ZNF81: variants seen among roughly 807,000 people sequenced by gnomAD.
ZNF81 encodes the protein zinc finger protein 81.
Under a neutral mutation model 32.3 loss-of-function variants are expected in ZNF81, and 5 were observed. That is an observed-to-expected ratio of 0.15 (90% CI 0.08 to 0.33). The LOEUF (loss-of-function observed/expected upper bound fraction) is 0.33. ZNF81 is among the 10% of genes least tolerant of loss of function. The pLI, the probability that ZNF81 is intolerant of heterozygous loss-of-function variation, is 1.00. For synonymous variants in ZNF81, 163 were observed against 166.8 expected, an observed-to-expected ratio of 0.98 and a Z score of 0.17; for missense variants, 379 against 479.8, an observed-to-expected ratio of 0.79 and a Z score of 1.96.
At chrX:47,880,636 A>G (rs1218863375) in intron 2 of ZNF81, among the ~76,000 whole-genome samples, 2 of 112,149 alleles carry the variant, frequency 1.8e-5, no homozygotes, top group African/African-American at 6.5e-5. Flanking sequence ...TAATTTTAAT[A>G]TAAAACTCAG....
At chrX:47,867,699 G>A (rs370663781) in intron 2 of ZNF81, among the ~76,000 whole-genome samples, 5 of 112,172 alleles carry the variant, frequency 4.5e-5, no homozygotes, top group African/African-American at 9.7e-5. Flanking sequence ...GATTAGCAAC[G>A]TGCAGAAATT....
rs1440659865 is a variant in ZNF81 at position 47,922,646 on chromosome X, T to G, written c.*6014T>G. Among the ~76,000 whole-genome samples, 1 of 111,798 alleles carries G rather than the reference T, an allele frequency of 8.9e-6. No homozygotes were observed. Among genetic ancestry groups the G allele is most frequent in the East Asian group, 2.8e-4 (1 of 3,596 alleles). On this transcript the variant is annotated 3_prime_UTR_variant, in exon 5 of 5. Transcript: ENST00000338637. ...TTAACCTCTGTCCTGATGGTTTTCA[T>G]CTATAAAAGATGTACACACTACCAC...
At chrX:47,837,439 G>C (rs1556879221) in intron 1 of ZNF81, among the ~76,000 whole-genome samples, 1 of 111,683 alleles carries the variant, frequency 9.0e-6, no homozygotes, top group East Asian at 2.8e-4. Flanking sequence ...TTTTTTGTCT[G>C]CTTCTTCTAT....
intron 4 of ZNF81, among the ~76,000 whole-genome samples, chrX:47,907,958 G>A (rs1279831401): frequency 2.7e-5 from 3 of 111,222 alleles, no homozygotes; most frequent in Non-Finnish European, 5.7e-5. Flanking sequence ...GGTGAACTCT[G>A]GTCTTTTAGA....
At position 47,915,122 on chromosome X, in the gene ZNF81, A is replaced by G; in HGVS notation, c.476A>G (p.Lys159Arg). Residue 159 changes from lysine to arginine, a missense_variant, in exon 5 of 5, where the codon AAA becomes AGA. This residue lies in a region of ZNF81 where 277 missense variants were observed against 306.6 expected (regional missense o/e 0.90). Transcript: ENST00000338637. ...AGTCGCACTACTTTCCTCAATAAGAAAATATTGAATACAGAGTGGGATTAT... is the reference window on the plus strand; with the variant it reads ...AGTCGCACTACTTTCCTCAATAAGAGAATATTGAATACAGAGTGGGATTAT... ...LLSRTTFLNK[K>R]ILNTEWDYEY... is the part of the protein sequence containing the mutation. 1 of 1,205,611 alleles carries G rather than the reference A, an allele frequency of 8.3e-7. No homozygotes were observed. Among genetic ancestry groups the G allele is most frequent in the Non-Finnish European group, 1.1e-6 (1 of 892,900 alleles).
intron 2 of ZNF81, among the ~76,000 whole-genome samples, chrX:47,877,457 C>T (rs1203944095): frequency 8.9e-6 from 1 of 112,015 alleles, no homozygotes; most frequent in Non-Finnish European, 1.9e-5. Context: ...TGCCAGTAAG[C>T]AAGTCTTCCC....
At chrX:47,847,197 A>G (rs1319680734) in intron 2 of ZNF81, among the ~76,000 whole-genome samples, 1 of 111,830 alleles carries the variant, frequency 8.9e-6, no homozygotes, top group Non-Finnish European at 1.9e-5. Context: ...CCATCTTCAC[A>G]ACAACCTCAT....
chrX:47,915,263 A>G lies in ZNF81; in HGVS notation c.617A>G (p.His206Arg), dbSNP rs371947038. The G allele has an allele frequency of 2.5e-6, 3 of 1,211,457 alleles. No individual in the cohort carries two copies. Among genetic ancestry groups the G allele is most frequent in the Non-Finnish European group, 3.4e-6 (3 of 895,312 alleles). ...GKSFKHNLDL[H>R]IHNKSNAAKN... ...AGTTTTAAGCATAATTTAGACTTAC[A>G]TATTCATAATAAAAGCAATGCAGCA... Residue 206 changes from histidine to arginine, a missense_variant, in exon 5 of 5, where the codon CAT becomes CGT. Transcript: ENST00000338637.
rs781952813 is a variant in ZNF81, at chrX:47,876,034, A to C, written c.55-11965A>C. On this transcript the variant is annotated intron_variant, in intron 2 of 4. Transcript: ENST00000338637. ...TTGCCTTTATACAAAGGCAAAAGTC[A>C]AACTTCTGTCTCTGTGATAAGCAGG... Among the ~76,000 whole-genome samples the C allele has an allele frequency of 2.7e-5, 3 of 111,862 alleles. No individual in the cohort carries two copies. In the South Asian group the frequency reaches 1.1e-3, roughly 42 times the overall value.
rs995617000 is a variant in ZNF81, at chrX:47,924,658, C to T, written c.*8026C>T. On this transcript the variant is annotated 3_prime_UTR_variant, in exon 5 of 5. Coordinates refer to ENST00000338637, the MANE Select transcript of ZNF81 (RefSeq NM_007137.5). ...TCTAGCCTTGTCTTCAGAGACAATT[C>T]TCCTTGAATCTCATGTTCTTCATGT... 9.0e-6 allele frequency among the ~76,000 whole-genome samples: 1 copy of T among 111,723 alleles called. No homozygotes were observed. The highest frequency in any genetic ancestry group is 3.3e-5 in the African/African-American group (1 of 30,766).
rs782203581 is a variant in ZNF81 at position 47,916,392 on chromosome X, T to C, written c.1746T>C (p.Tyr582=). 1.7e-6 allele frequency: 2 copies of C among 1,211,697 alleles called. No homozygotes were observed. The highest frequency in any genetic ancestry group is 5.9e-5 in the East Asian group (2 of 33,839). ...GAATTCATACTACAGAGAAGCCTTA[T>C]AAATGTCCTGACTGTGAGAAATCCT... is the stretch of plus-strand genomic sequence containing the variant. The part of the protein sequence containing the change: ...HQRIHTTEKP[Y]KCPDCEKSFS... The change falls in exon 5 of 5, where the codon TAT becomes TAC. Residue 582 remains tyrosine (Y), a synonymous_variant. Transcript: ENST00000338637.
intron 4 of ZNF81, among the ~76,000 whole-genome samples, chrX:47,904,830 T>G (rs1178800284): frequency 6.3e-5 from 7 of 111,636 alleles, no homozygotes; most frequent in South Asian, 3.8e-4. Flanking sequence ...CCAACAACGA[T>G]AGACTGGATT....
Position 47,884,620 on chromosome X carries a change from G to C in ZNF81, c.55-3379G>C, listed in dbSNP as rs781954778. On this transcript the variant is annotated intron_variant, in intron 2 of 4. Coordinates refer to ENST00000338637, the MANE Select transcript of ZNF81 (RefSeq NM_007137.5). The stretch of plus-strand genomic sequence containing the variant: ...ATGCATCAAATAGATAAGTAACACA[G>C]ATTTTGGTACTGGGAATGGGGCAGC... 2.7e-5 allele frequency among the ~76,000 whole-genome samples: 3 copies of C among 112,017 alleles called. No homozygotes were observed. In the South Asian group the frequency reaches 1.1e-3, roughly 42 times the overall value.
intron 2 of ZNF81, among the ~76,000 whole-genome samples, chrX:47,852,460 C>T (rs1461796643): frequency 8.9e-6 from 1 of 112,090 alleles, no homozygotes; most frequent in East Asian, 2.8e-4. Context: ...TCAAACCCTG[C>T]CCCTGCTTTC....
chrX:47,889,781 A>G (rs782057701), intron 3 of ZNF81, among the ~76,000 whole-genome samples: 2 of 111,441 alleles, frequency 1.8e-5, no homozygotes, highest in Admixed American at 9.5e-5. Flanking sequence ...AAGCAAGCAT[A>G]TTACATGGTG....
intron 3 of ZNF81, among the ~76,000 whole-genome samples, chrX:47,891,508 A>G (rs1255664291): frequency 8.9e-6 from 1 of 112,290 alleles, no homozygotes; most frequent in African/African-American, 3.2e-5. Context: ...AGGCAGCTCT[A>G]GTGGCTTCAC....
chrX:47,873,670 G>A lies in ZNF81; in HGVS notation c.55-14329G>A, dbSNP rs144875394. On this transcript the variant is annotated intron_variant, in intron 2 of 4. Coordinates refer to ENST00000338637, the MANE Select transcript of ZNF81 (RefSeq NM_007137.5). ...CGCAGTGGAGTTTGTTTGTTTGTTTGTTTTGTTTTGTTTTGACACAGAGTC... is the reference window on the plus strand; with the variant it reads ...CGCAGTGGAGTTTGTTTGTTTGTTTATTTTGTTTTGTTTTGACACAGAGTC... Among the ~76,000 whole-genome samples, 668 of 111,326 alleles carry A rather than the reference G, an allele frequency of 6.0e-3. 5 individuals carry two copies. Among genetic ancestry groups the A allele is most frequent in the African/African-American group, 0.021 (647 of 30,581 alleles).
chrX:47,887,641 GTGAAAT>G, intron 2 of ZNF81, among the ~76,000 whole-genome samples: 1 of 111,730 alleles, frequency 9.0e-6, no homozygotes, highest in East Asian at 2.8e-4. Flanking sequence ...AGGGAGCTAT[GTGAAAT>G]TTTTAAAAAT....
At chrX:47,896,755 G>A (rs985541864) in intron 4 of ZNF81, among the ~76,000 whole-genome samples, 8 of 111,146 alleles carry the variant, frequency 7.2e-5, no homozygotes, top group Non-Finnish European at 1.3e-4. Context: ...CACAGCCCCA[G>A]GCAACCACTG....
Sources: gnomAD v4.1 joint callset for allele counts (sites outside exome capture counted in the v4.1 genomes callset) on GRCh38, gnomAD v4.1.1 for gene constraint, gnomAD v4.1.1 regional missense constraint, MANE v1.5 for transcripts, NCBI Gene and HGNC (gene_info 2026-07-23, HGNC 2026-07-21) for gene names.